Variants in PAFAH1B1 observed in about 807,000 individuals in gnomAD.
PAFAH1B1 encodes the protein platelet activating factor acetylhydrolase 1b regulatory subunit 1.
Under a neutral mutation model 57.5 loss-of-function variants are expected in PAFAH1B1, and 2 were observed. The ratio of observed to expected loss-of-function variants is 0.03; its 90% CI spans 0.01 to 0.11. The LOEUF is 0.11. Among genes scored for constraint, PAFAH1B1 ranks in the 10% least tolerant of loss-of-function variants. The probability of loss-of-function intolerance (pLI) is 1.00; values close to 1 mark genes in which losing one functional copy is unlikely to be tolerated. For missense variants in PAFAH1B1, 257 were observed against 512.0 expected (o/e 0.50, Z 4.81); for synonymous variants, 152 against 169.6 (o/e 0.90, Z 0.81).
chr17:2,668,033 A>G (rs1186716431), intron 5 of PAFAH1B1, among the ~76,000 whole-genome samples: 1 of 151,960 alleles, frequency 6.6e-6, no homozygotes, highest in Non-Finnish European at 1.5e-5. Flanking sequence ...TTACAAAAGT[A>G]TAACCAATCG....
At position 2,672,639 on chromosome 17, in the gene PAFAH1B1, C is replaced by G. The variant is rs1188200947; in HGVS notation, c.569-16C>G. On this transcript the variant is annotated splice_polypyrimidine_tract_variant and intron_variant, in intron 6 of 10. Transcript: ENST00000397195. ...TGGTATATTACTTCATAATATATTGCTGTTATGTGTTTTAGGCCATGACCA... is the reference window on the plus strand; with the variant it reads ...TGGTATATTACTTCATAATATATTGGTGTTATGTGTTTTAGGCCATGACCA... 1 of 1,489,272 alleles carries G rather than the reference C, an allele frequency of 6.7e-7. No homozygotes were observed. Among genetic ancestry groups the G allele is most frequent in the Non-Finnish European group, 9.4e-7 (1 of 1,066,522 alleles). The allele number at this position is 1,489,272 out of a possible 1,614,324, so 92.3% of individuals were successfully genotyped here. A position where few individuals can be genotyped will look rare whatever the true frequency, so the allele number is the denominator to read the frequency against.
chr17:2,607,712 T>C (rs1272477099), intron 1 of PAFAH1B1, among the ~76,000 whole-genome samples: 1 of 151,876 alleles, frequency 6.6e-6, no homozygotes, highest in African/African-American at 2.4e-5. Flanking sequence ...TCTCAAACTC[T>C]GGGCCTCAAG....
intron 1 of PAFAH1B1, among the ~76,000 whole-genome samples, chr17:2,621,605 GTCTT>G (rs544672493): frequency 6.4e-5 from 6 of 93,238 alleles, no homozygotes; most frequent in South Asian, 3.5e-4. Flanking sequence ...TAGATAATCT[GTCTT>G]TTTTTTTTTT....
intron 1 of PAFAH1B1, among the ~76,000 whole-genome samples, chr17:2,600,486 C>T (rs2068129343): frequency 6.9e-6 from 1 of 145,098 alleles, no homozygotes. Context: ...AGGAGAATTG[C>T]TTGAACCCGG....
chr17:2,595,176 G>C (rs1026575247), intron 1 of PAFAH1B1, among the ~76,000 whole-genome samples: 1 of 152,090 alleles, frequency 6.6e-6, no homozygotes, highest in African/African-American at 2.4e-5. Flanking sequence ...TCCTTAAGTG[G>C]CAGTCCGGAC....
At chr17:2,594,886 C>A (rs748204342) in intron 1 of PAFAH1B1, among the ~76,000 whole-genome samples, 5 of 152,176 alleles carry the variant, frequency 3.3e-5, no homozygotes, top group Non-Finnish European at 5.9e-5. Flanking sequence ...AGGTGGTCGA[C>A]ACATTTTGAC....
intron 2 of PAFAH1B1, among the ~76,000 whole-genome samples, chr17:2,664,560 C>T (rs1378900253): frequency 6.6e-6 from 1 of 151,930 alleles, no homozygotes; most frequent in Admixed American, 6.6e-5. Flanking sequence ...GGCTTGCCAC[C>T]ACGCCAGCTA....
At chr17:2,608,866 G>A (rs895881622) in intron 1 of PAFAH1B1, among the ~76,000 whole-genome samples, 13 of 152,202 alleles carry the variant, frequency 8.5e-5, no homozygotes, top group Admixed American at 6.5e-4. Context: ...GCTGAATAAA[G>A]AGAATGGATA....
At chr17:2,623,105 A>G (rs191105570) in intron 1 of PAFAH1B1, among the ~76,000 whole-genome samples, 10 of 152,234 alleles carry the variant, frequency 6.6e-5, no homozygotes, top group African/African-American at 1.9e-4. Flanking sequence ...CTGGGCCTCC[A>G]GGCCTGTGAT....
At chr17:2,674,849 G>A (rs1232835681) in intron 8 of PAFAH1B1, among the ~76,000 whole-genome samples, 2 of 152,154 alleles carry the variant, frequency 1.3e-5, no homozygotes, top group Non-Finnish European at 2.9e-5. Context: ...TTATTAATAT[G>A]TTAAAAATTA....
rs1353764649 is a variant in PAFAH1B1 at position 2,663,017 on chromosome 17, G to T, written c.33-2355G>T. ...AATCCCAGCTACTCTGGAGGCTGAT[G>T]CAGGAGAATCGCTTGAACCTGGGAG... On this transcript the variant is annotated intron_variant, in intron 2 of 10. Coordinates refer to ENST00000397195, the MANE Select transcript of PAFAH1B1 (RefSeq NM_000430.4). Among the ~76,000 whole-genome samples the T allele has an allele frequency of 5.3e-5, 8 of 152,262 alleles. No individual in the cohort carries two copies. In the East Asian group the frequency reaches 1.6e-3, roughly 30 times the overall value.
At chr17:2,643,402 A>G (rs1483599315) in intron 2 of PAFAH1B1, among the ~76,000 whole-genome samples, 2 of 152,020 alleles carry the variant, frequency 1.3e-5, no homozygotes, top group Non-Finnish European at 2.9e-5. Flanking sequence ...TACAGGCATG[A>G]GCCACTGCAC....
chr17:2,661,172 A>G (rs962565665), intron 2 of PAFAH1B1, among the ~76,000 whole-genome samples: 7 of 152,172 alleles, frequency 4.6e-5, no homozygotes, highest in Non-Finnish European at 8.8e-5. Context: ...CTTGAGTTTA[A>G]TTAGATCCCA....
chr17:2,684,081 A>G lies in PAFAH1B1; in HGVS notation c.*2279A>G, dbSNP rs1461821141. 1 of 152,670 alleles carries G rather than the reference A, an allele frequency of 6.6e-6. No individual in the cohort carries two copies. Among genetic ancestry groups the G allele is most frequent in the Admixed American group, 6.5e-5 (1 of 15,278 alleles). The allele number at this position is 152,670 out of a possible 1,614,324, so 9.5% of individuals were successfully genotyped here. ...AAACGATTACTCTGTAAACAAAGTT[A>G]TCCTTACTTGGGAGATTGCCACAGC... On this transcript the variant is annotated 3_prime_UTR_variant, in exon 11 of 11. Coordinates refer to ENST00000397195, the MANE Select transcript of PAFAH1B1 (RefSeq NM_000430.4).
At position 2,606,810 on chromosome 17, in the gene PAFAH1B1, C is replaced by CTTTTTTTTTTTTTTT. The variant is rs770011553; in HGVS notation, c.-191+12817_-191+12831dup. Among the ~76,000 whole-genome samples the CTTTTTTTTTTTTTTT allele has an allele frequency of 2.9e-5, 3 of 101,714 alleles. 1 individual carries two copies. Among genetic ancestry groups the CTTTTTTTTTTTTTTT allele is most frequent in the African/African-American group, 7.9e-5 (2 of 25,374 alleles). 66.7% of individuals were successfully genotyped at this position (101,714 alleles called of 152,430 possible). ...ACATTTTGTCATATTTGCCTCAGAG[C>CTTTTTTTTTTTTTTT]TTTTTTTTTTTTTTTTTTTTTTTTT... On this transcript the variant is annotated intron_variant, in intron 1 of 10. Coordinates refer to ENST00000397195, the MANE Select transcript of PAFAH1B1 (RefSeq NM_000430.4).
chr17:2,619,042 G>A (rs1388805293), intron 1 of PAFAH1B1, among the ~76,000 whole-genome samples: 1 of 151,432 alleles, frequency 6.6e-6, no homozygotes, highest in Non-Finnish European at 1.5e-5. Context: ...AACGAGAACT[G>A]TCAAAAGTAA....
intron 2 of PAFAH1B1, among the ~76,000 whole-genome samples, chr17:2,650,109 G>T (rs994088527): frequency 1.9e-4 from 29 of 152,208 alleles, no homozygotes; most frequent in African/African-American, 6.3e-4. Flanking sequence ...AACAGGCCAG[G>T]CACTGTGGCT....
At chr17:2,633,569 C>T (rs2068583534) in intron 1 of PAFAH1B1, among the ~76,000 whole-genome samples, 3 of 151,868 alleles carry the variant, frequency 2.0e-5, no homozygotes, top group Non-Finnish European at 4.4e-5. Flanking sequence ...AACTGCTTTT[C>T]AATATTTTCA....
intron 1 of PAFAH1B1, among the ~76,000 whole-genome samples, chr17:2,607,752 C>G (rs1478731349): frequency 6.6e-6 from 1 of 152,162 alleles, no homozygotes; most frequent in Non-Finnish European, 1.5e-5. Flanking sequence ...TCCCAAAGTT[C>G]TGGGATTACA....
Sources: gnomAD v4.1 joint callset for allele counts (sites outside exome capture counted in the v4.1 genomes callset) on GRCh38, gnomAD v4.1.1 for gene constraint, MANE v1.5 for transcripts, NCBI Gene and HGNC (gene_info 2026-07-23, HGNC 2026-07-21) for gene names.